Variants in CNTNAP1 observed in about 807,000 individuals in gnomAD.
CNTNAP1 encodes contactin associated protein 1, also known as contactin-associated protein 1.
In CNTNAP1, 80 loss-of-function variants were observed where a neutral mutation model predicts 161.5. That is an observed-to-expected ratio of 0.50 (90% CI 0.41 to 0.60). The LOEUF is 0.60. Ranked by LOEUF, CNTNAP1 falls within the 20% of genes least tolerant of loss-of-function variation. CNTNAP1 has a pLI of 0.00. For synonymous variants in CNTNAP1, 695 were observed against 733.1 expected, an observed-to-expected ratio of 0.95 and a Z score of 0.84; for missense variants, 1,464 against 1,854.8, an observed-to-expected ratio of 0.79 and a Z score of 3.87.
At chr17:42,693,097 C>T (rs2053110977) in intron 17 of CNTNAP1, among the ~76,000 whole-genome samples, 200 bp from the exon 18 acceptor site, 1 of 152,094 alleles carries the variant, frequency 6.6e-6, no homozygotes, top group African/African-American at 2.4e-5. Context: ...GCTGGGACTA[C>T]AGGCGCCCGC....
chr17:42,693,204 C>A, intron 17 of CNTNAP1, 93 bp from the exon 18 acceptor site: 2 of 1,456,608 alleles, frequency 1.4e-6, no homozygotes, highest in Admixed American at 3.6e-5. Context: ...CGTGATTCGC[C>A]CGCCTCGGCC....
At chr17:42,694,663 T>G (rs770221384) in intron 18 of CNTNAP1, among the ~76,000 whole-genome samples, 1 of 151,680 alleles carries the variant, frequency 6.6e-6, no homozygotes, top group Non-Finnish European at 1.5e-5. Context: ...CTTCTCCATC[T>G]TCCCACCATC....
intron 21 of CNTNAP1, 90 bp downstream of exon 21, chr17:42,697,457 G>A (rs1429242227): frequency 5.0e-6 from 8 of 1,605,556 alleles, no homozygotes; most frequent in Non-Finnish European, 6.8e-6. Context: ...GGGAATGGCT[G>A]AGGGCAGTGG....
In CNTNAP1 at chr17:42,697,968, C is replaced by T. The variant is rs764311739; in HGVS notation, c.3862+18C>T. ...TTTAGGCTGTGAGTAGCACTGATCA[C>T]TAAGCTGACCTCCCAAGACTACCCT... On this transcript the variant is annotated intron_variant, in intron 23 of 23. Coordinates refer to ENST00000264638, the MANE Select transcript of CNTNAP1 (RefSeq NM_003632.3). 8 of 1,613,994 alleles carry T rather than the reference C, an allele frequency of 5.0e-6. No homozygotes were observed. Among genetic ancestry groups the T allele is most frequent in the Non-Finnish European group, 6.8e-6 (8 of 1,179,840 alleles).
intron 3 of CNTNAP1, 45 bp downstream of exon 3, chr17:42,684,274 C>T: frequency 6.4e-7 from 1 of 1,564,570 alleles, no homozygotes; most frequent in South Asian, 1.2e-5. Context: ...GCTTCCTCTG[C>T]TCCAGGCTCT....
intron 21 of CNTNAP1, 59 bp from the exon 22 acceptor site, chr17:42,697,495 G>C (rs1346148863): frequency 4.3e-6 from 7 of 1,610,524 alleles, no homozygotes; most frequent in Middle Eastern, 1.6e-4. Flanking sequence ...CCTGTGGACA[G>C]TGAGAGTGGC....
chr17:42,698,898 C>T lies in CNTNAP1; in HGVS notation c.4143C>T (p.Ser1381=), dbSNP rs988985234. The change falls in exon 24 of 24, where the codon TCC becomes TCT. Residue 1381 remains serine, a synonymous_variant. Transcript: ENST00000264638. ...DQNLPQILEE[S]RSE ...ACCTACCCCAGATCCTGGAGGAGTC[C>T]AGGTCTGAATGAGTCAGAAGGGCTT... 5.8e-6 allele frequency: 9 copies of T among 1,542,878 alleles called. No individual in the cohort carries two copies. The highest frequency in any genetic ancestry group is 7.8e-6 in the Non-Finnish European group (9 of 1,149,578).
Position 42,687,286 on chromosome 17 carries a change from G to A in CNTNAP1, c.1044+240G>A. ...TTAGTTCATAGATGAAGAAAGTAAG[G>A]CGCAGACACAGGGAGTGGCTTGTCC... On this transcript the variant is annotated intron_variant, in intron 7 of 23. Transcript: ENST00000264638. This position sits in a 1 kb window ranked among gnomAD's most constrained non-coding sequence, Gnocchi z 4.7. 1 of 558,460 alleles carries A rather than the reference G, an allele frequency of 1.8e-6. No homozygotes were observed. Among genetic ancestry groups the A allele is most frequent in the East Asian group, 3.0e-5 (1 of 33,438 alleles). The allele number at this position is 558,460 out of a possible 1,614,324, so 34.6% of individuals were successfully genotyped here.
chr17:42,697,250 T>TCCC, intron 20 of CNTNAP1, 24 bp from the exon 21 acceptor site: 1 of 1,248,140 alleles, frequency 8.0e-7, no homozygotes. Context: ...CTCATCGCCC[T>TCCC]CCCCCTCCCC....
In CNTNAP1 at chr17:42,685,477, C is replaced by A; in HGVS notation, c.715+57C>A. On this transcript the variant is annotated intron_variant, in intron 5 of 23. Coordinates refer to ENST00000264638, the MANE Select transcript of CNTNAP1 (RefSeq NM_003632.3). The surrounding 1 kb of genome is among the most constrained non-coding windows in gnomAD (Gnocchi z 5.0). ...CAACCCCTGAAGCTCTCTCACCGCC[C>A]TCCTCGTGGCACCTCCTCCGCGCAT... 12 of 1,508,538 alleles carry A rather than the reference C, an allele frequency of 8.0e-6. No homozygotes were observed. Among genetic ancestry groups the A allele is most frequent in the Non-Finnish European group, 1.1e-5 (12 of 1,115,212 alleles). 93.4% of individuals were successfully genotyped at this position (1,508,538 alleles called of 1,614,324 possible).
chr17:42,686,123 G>C lies in CNTNAP1; in HGVS notation c.882G>C (p.Arg294Ser). 1 of 1,614,208 alleles carries C rather than the reference G, an allele frequency of 6.2e-7. No individual in the cohort carries two copies. The change falls in exon 6 of 24, where the codon AGG (arginine) becomes AGC (serine). Residue 294 changes from arginine to serine, a missense_variant. By Grantham distance (110) the Arg-to-Ser change is moderately radical (BLOSUM62 -1). This residue lies in a region of CNTNAP1 where 1,383 missense variants were observed against 1,765.0 expected (regional missense o/e 0.78). Transcript: ENST00000264638. The part of the protein sequence containing the change: ...QRFILNGDFE[R>S]LNLDTEMFIG... ...TTATTCTCAATGGAGACTTCGAGAGGCTGAACCTGGACACTGAGGTGAGAG... is the reference window on the plus strand; with the variant it reads ...TTATTCTCAATGGAGACTTCGAGAGCCTGAACCTGGACACTGAGGTGAGAG...
At position 42,695,542 on chromosome 17, in the gene CNTNAP1, C is replaced by G. The variant is rs530019096; in HGVS notation, c.3014C>G (p.Pro1005Arg). The change falls in exon 19 of 24, where the codon CCG becomes CGG. Residue 1005 changes from proline to arginine, a missense_variant. By Grantham distance (103) the Pro-to-Arg change is moderately radical. This residue lies in a region of CNTNAP1 where 1,383 missense variants were observed against 1,765.0 expected (regional missense o/e 0.78). Coordinates refer to ENST00000264638, the MANE Select transcript of CNTNAP1 (RefSeq NM_003632.3). ...CNHDIGGFFE[P>R]GTWMRYNLQS... ...GCAGATATTGGTGGTTTCTTTGAGC[C>G]GGGCACCTGGATGCGCTATAACCTA... 6.2e-7 allele frequency: 1 copy of G among 1,603,896 alleles called. No individual in the cohort carries two copies. Among genetic ancestry groups the G allele is most frequent in the Non-Finnish European group, 8.5e-7 (1 of 1,172,732 alleles).
rs1386603632 is a variant in CNTNAP1 at position 42,699,747 on chromosome 17, G to A, written c.*837G>A. ...TTTTTTGTTGCAAAGTGTCTCTCTA[G>A]AGAAACTCTATATATTATTCGAATT... On this transcript the variant is annotated 3_prime_UTR_variant, in exon 24 of 24. Coordinates refer to ENST00000264638, the MANE Select transcript of CNTNAP1 (RefSeq NM_003632.3). 2.0e-5 allele frequency: 3 copies of A among 152,602 alleles called. No individual in the cohort carries two copies. The highest frequency in any genetic ancestry group is 4.4e-5 in the Non-Finnish European group (3 of 68,048). The allele number at this position is 152,602 out of a possible 1,614,324, so 9.5% of individuals were successfully genotyped here.
At chr17:42,694,528 G>A (rs193210407) in intron 18 of CNTNAP1, among the ~76,000 whole-genome samples, 304 of 152,050 alleles carry the variant, frequency 2.0e-3, no homozygotes, top group Middle Eastern at 3.4e-3. Context: ...TACTCGGGAG[G>A]CTGAGGTGGG....
In CNTNAP1 at chr17:42,684,364, A is replaced by C. The variant is rs2052978318; in HGVS notation, c.363+135A>C. 1.1e-5 allele frequency: 9 copies of C among 801,086 alleles called. No homozygotes were observed. In the South Asian group the frequency reaches 1.5e-4, roughly 13 times the overall value. The allele number at this position is 801,086 out of a possible 1,614,324, so 49.6% of individuals were successfully genotyped here. On this transcript the variant is annotated intron_variant, in intron 3 of 23. Coordinates refer to ENST00000264638, the MANE Select transcript of CNTNAP1 (RefSeq NM_003632.3). ...AAGGAGCAGTGACTCCACTCCAGGG[A>C]CTCTGTCCAGAGGGACTGTCAGCTT... is the stretch of plus-strand genomic sequence containing the variant.
chr17:42,687,630 A>G lies in CNTNAP1; in HGVS notation c.1045-90A>G. 1 of 1,506,190 alleles carries G rather than the reference A, an allele frequency of 6.6e-7. No individual in the cohort carries two copies. The highest frequency in any genetic ancestry group is 1.4e-5 in the African/African-American group (1 of 72,150). 93.3% of individuals were successfully genotyped at this position (1,506,190 alleles called of 1,614,324 possible). A position where few individuals can be genotyped will look rare whatever the true frequency, so the allele number is the denominator to read the frequency against. On this transcript the variant is annotated intron_variant, in intron 7 of 23. Transcript: ENST00000264638. This position sits in a 1 kb window ranked among gnomAD's most constrained non-coding sequence, Gnocchi z 4.7. ...CCGCCAACACCGAAGGAGGGCGGTG[A>G]CCAGGGTCTTAGACCGGTGTGAAAA...
intron 20 of CNTNAP1, among the ~76,000 whole-genome samples, chr17:42,696,888 T>G (rs1040830237): frequency 6.6e-6 from 1 of 151,922 alleles, no homozygotes. Context: ...TTAAAAAATA[T>G]ATAGGCCAGG....
chr17:42,690,830 C>T lies in CNTNAP1; in HGVS notation c.1947C>T (p.Ile649=), dbSNP rs142269872. Residue 649 remains isoleucine, a synonymous_variant, in exon 13 of 24, where the codon ATC becomes ATT. Transcript: ENST00000264638. ...SSMERPFLGA[I]QYWNASWEEV... ...TGGAGCGGCCATTCCTGGGGGCTAT[C>T]CAGTACTGGAATGCATCCTGGGAGG... 917 of 1,614,224 alleles carry T rather than the reference C, an allele frequency of 5.7e-4. 18 individuals are homozygous for T. In the South Asian group the frequency reaches 9.4e-3, roughly 17 times the overall value.
At position 42,687,929 on chromosome 17, in the gene CNTNAP1, G is replaced by A; in HGVS notation, c.1254G>A (p.Gln418=). ...GHVELTLSEG[Q]VNVSIAQSGR... ...TGGAGCTGACGCTCAGCGAAGGGCA[G>A]GTCAACGTGTCCATCGCGCAGAGCG... Residue 418 remains glutamine, a synonymous_variant, in exon 8 of 24, where the codon CAG becomes CAA. Coordinates refer to ENST00000264638, the MANE Select transcript of CNTNAP1 (RefSeq NM_003632.3). This position sits in a 1 kb window ranked among gnomAD's most constrained non-coding sequence, Gnocchi z 4.7. 1.2e-6 allele frequency: 2 copies of A among 1,614,214 alleles called. No homozygotes were observed. Among genetic ancestry groups the A allele is most frequent in the East Asian group, 2.2e-5 (1 of 44,892 alleles).
Sources: gnomAD v4.1 joint callset for allele counts (sites outside exome capture counted in the v4.1 genomes callset) on GRCh38, gnomAD v4.1.1 for gene constraint, gnomAD v4.1.1 regional missense constraint, Gnocchi (gnomAD v3.1) non-coding constraint, MANE v1.5 for transcripts, NCBI Gene and HGNC (gene_info 2026-07-23, HGNC 2026-07-21) for gene names.